The following PTK2 variants were observed in gnomAD, a reference collection of about 807,000 sequenced individuals.
PTK2 encodes protein tyrosine kinase 2.
PTK2 carries 45 observed loss-of-function variants against 150.1 expected under a neutral mutation model. The ratio of observed to expected loss-of-function variants is 0.30; its 90% CI spans 0.24 to 0.38. PTK2 has a LOEUF of 0.38. Ranked by LOEUF, PTK2 falls within the 10% of genes least tolerant of loss-of-function variation. PTK2 has a pLI of 1.00. For missense variants in PTK2, 919 were observed against 1,307.3 expected, an observed-to-expected ratio of 0.70 and a Z score of 4.58; for synonymous variants, 432 against 449.2, an observed-to-expected ratio of 0.96 and a Z score of 0.48.
At chr8:140,983,258 G>A (rs1232462265) in intron 1 of PTK2, among the ~76,000 whole-genome samples, 6 of 151,786 alleles carry the variant, frequency 4.0e-5, no homozygotes, top group Admixed American at 2.6e-4. Context: ...ATGGTGACAG[G>A]TGCCTGTAAT....
At chr8:140,699,493 T>A (rs1481592669) in intron 26 of PTK2, among the ~76,000 whole-genome samples, 1 of 152,156 alleles carries the variant, frequency 6.6e-6, no homozygotes, top group Non-Finnish European at 1.5e-5. Context: ...ACTTCTGAAG[T>A]GGTTTTCAAT....
At chr8:140,658,895 G>A (rs1051440394) in exon 32 of PTK2, 1 of 226,794 alleles carries the variant, frequency 4.4e-6, no homozygotes, top group Non-Finnish European at 8.8e-6. Context: ...AAAAAGGGCT[G>A]TAGTTTTTTC....
At chr8:140,990,310 C>T (rs2100195227) in intron 1 of PTK2, among the ~76,000 whole-genome samples, 1 of 151,594 alleles carries the variant, frequency 6.6e-6, no homozygotes, top group Non-Finnish European at 1.5e-5. Context: ...TCATGGCTCA[C>T]TGTAGACTTG....
At chr8:140,900,263 G>A (rs1359171720) in intron 2 of PTK2, among the ~76,000 whole-genome samples, 1 of 152,088 alleles carries the variant, frequency 6.6e-6, no homozygotes, top group African/African-American at 2.4e-5. Context: ...ACCAACATAT[G>A]AAAAGAAGTA....
At chr8:140,709,871 CA>C (rs961203737) in intron 23 of PTK2, among the ~76,000 whole-genome samples, 1 of 152,102 alleles carries the variant, frequency 6.6e-6, no homozygotes, top group Admixed American at 6.5e-5. Flanking sequence ...AACTGGATGG[CA>C]CTGTTCCTTC....
At chr8:140,771,144 T>A (rs2100075262) in intron 14 of PTK2, 1 of 155,500 alleles carries the variant, frequency 6.4e-6, no homozygotes, top group African/African-American at 2.4e-5. Context: ...TCAAGACTCT[T>A]GTGAACATTT....
intron 23 of PTK2, among the ~76,000 whole-genome samples, chr8:140,706,712 A>G (rs1266240832): frequency 1.3e-5 from 2 of 152,186 alleles, no homozygotes; most frequent in South Asian, 2.1e-4. Flanking sequence ...TGATCCAGCA[A>G]TTCTACTTTC....
chr8:140,726,726 C>T (rs2100046070), intron 22 of PTK2, among the ~76,000 whole-genome samples: 1 of 152,062 alleles, frequency 6.6e-6, no homozygotes, highest in Non-Finnish European at 1.5e-5. Flanking sequence ...CTGATCTGCA[C>T]CACAAGAAAT....
intron 21 of PTK2, among the ~76,000 whole-genome samples, chr8:140,737,858 AATCAAGGC>A (rs2154410999): frequency 6.6e-6 from 1 of 152,330 alleles, no homozygotes; most frequent in African/African-American, 2.4e-5. Flanking sequence ...CACAGATAAT[AATCAAGGC>A]CTTGGGATTT....
intron 5 of PTK2, among the ~76,000 whole-genome samples, chr8:140,849,885 C>T (rs946402373): frequency 6.6e-6 from 1 of 152,162 alleles, no homozygotes; most frequent in Non-Finnish European, 1.5e-5. Flanking sequence ...TTAGTTTGTA[C>T]CTACTACTTG....
chr8:140,693,666 G>A (rs1325869721), intron 26 of PTK2, among the ~76,000 whole-genome samples: 1 of 150,272 alleles, frequency 6.7e-6, no homozygotes, highest in African/African-American at 2.5e-5. Context: ...AAGAGCATCC[G>A]GGCTGCTATC....
chr8:140,940,873 G>C (rs2100175478), intron 1 of PTK2, among the ~76,000 whole-genome samples: 1 of 152,030 alleles, frequency 6.6e-6, no homozygotes, highest in African/African-American at 2.4e-5. Flanking sequence ...GGGAGGCTGA[G>C]GCAGGAGAAT....
intron 5 of PTK2, among the ~76,000 whole-genome samples, chr8:140,847,644 T>G (rs2100126403): frequency 6.6e-6 from 1 of 152,166 alleles, no homozygotes; most frequent in Non-Finnish European, 1.5e-5. Context: ...TATTATGAAT[T>G]TTATCAACAC....
chr8:140,659,422 A>T, exon 32 of PTK2: 1 of 1,538,586 alleles, frequency 6.5e-7, no homozygotes, highest in Non-Finnish European at 8.9e-7. Flanking sequence ...AAGGCTAGAG[A>T]ACATCTTCAA....
chr8:140,715,182 T>A lies in PTK2; in HGVS notation c.2142+2416A>T. Reference sequence around the variant, plus strand: ...TTTTTTTTTTTTTTTTTTTTTTTTTTTTTTTTTTTTGAGAGAGTCTCACTT... The same window carrying A: ...TTTTTTTTTTTTTTTTTTTTTTTTTATTTTTTTTTTGAGAGAGTCTCACTT... On this transcript the variant is annotated intron_variant, in intron 23 of 31. Coordinates refer to ENST00000522684, the Ensembl canonical transcript of PTK2. Among the ~76,000 whole-genome samples the A allele has an allele frequency of 1.5e-5, 2 of 134,984 alleles. 1 individual carries two copies. Among genetic ancestry groups the A allele is most frequent in the Non-Finnish European group, 3.1e-5 (2 of 63,544 alleles). 88.6% of individuals were successfully genotyped at this position (134,984 alleles called of 152,430 possible). A position where few individuals can be genotyped will look rare whatever the true frequency, so the allele number is the denominator to read the frequency against.
At chr8:140,864,763 TCTTA>T (rs2100138296) in intron 4 of PTK2, among the ~76,000 whole-genome samples, 1 of 152,222 alleles carries the variant, frequency 6.6e-6, no homozygotes, top group Non-Finnish European at 1.5e-5. Flanking sequence ...CAGTATGTAC[TCTTA>T]CTTGTTCAGA....
chr8:140,973,212 C>G (rs1299669907), intron 1 of PTK2, among the ~76,000 whole-genome samples: 1 of 152,188 alleles, frequency 6.6e-6, no homozygotes, highest in Non-Finnish European at 1.5e-5. Context: ...AAGTTTGGCC[C>G]TTTGCCCAGA....
chr8:140,658,266 A>T (rs909331580), exon 32 of PTK2: 34 of 159,488 alleles, frequency 2.1e-4, no homozygotes, highest in East Asian at 7.3e-4. Flanking sequence ...AAGATTAAAT[A>T]AAAAAAAAGA....
chr8:140,769,565 T>C lies in PTK2; in HGVS notation c.1178-5275A>G. 4 of 1,353,720 alleles carry C rather than the reference T, an allele frequency of 3.0e-6. No homozygotes were observed. The highest frequency in any genetic ancestry group is 3.9e-6 in the Non-Finnish European group (4 of 1,020,328). 83.9% of individuals were successfully genotyped at this position (1,353,720 alleles called of 1,614,324 possible). A position where few individuals can be genotyped will look rare whatever the true frequency, so the allele number is the denominator to read the frequency against. On this transcript the variant is annotated intron_variant, in intron 14 of 31. Transcript: ENST00000522684. The stretch of plus-strand genomic sequence containing the variant: ...CATAGCAGTAACACAAATGTGAAAA[T>C]AAATATTACCGTCCCCACTAATTTC...
Sources: allele counts gnomAD v4.1 joint callset (sites outside exome capture counted in the v4.1 genomes callset), GRCh38; gene constraint gnomAD v4.1.1; transcripts MANE v1.5; gene names NCBI Gene and HGNC (gene_info 2026-07-23, HGNC 2026-07-21).